Variants in TSHZ1 observed in about 807,000 individuals in gnomAD.
TSHZ1 encodes the protein teashirt homolog 1.
A neutral mutation model predicts 67.1 loss-of-function variants in TSHZ1; 12 were observed. That is an observed-to-expected ratio of 0.18 (90% confidence interval 0.11 to 0.29). The LOEUF is 0.29. Ranked by LOEUF, TSHZ1 falls within the 10% of genes least tolerant of loss-of-function variation. The pLI is 1.00. For synonymous variants in TSHZ1, 632 were observed against 622.4 expected (o/e 1.02, Z -0.23); for missense variants, 1,305 against 1,413.9 (o/e 0.92, Z 1.23).
chr18:75,271,740 C>G (rs1224207309), intron 1 of TSHZ1, among the ~76,000 whole-genome samples: 3 of 150,520 alleles, frequency 2.0e-5, no homozygotes, highest in African/African-American at 7.4e-5. Context: ...TCCCCGCTTC[C>G]TGGTCCCCTC....
At chr18:75,226,285 C>T (rs920950148) in intron 1 of TSHZ1, among the ~76,000 whole-genome samples, 2 of 152,246 alleles carry the variant, frequency 1.3e-5, no homozygotes, top group South Asian at 4.1e-4. Context: ...TTTCTTGCTC[C>T]CCACTCACCC....
chr18:75,212,562 C>T (rs1157378168), intron 1 of TSHZ1, among the ~76,000 whole-genome samples: 1 of 152,270 alleles, frequency 6.6e-6, no homozygotes, highest in Admixed American at 6.5e-5. Context: ...TAGAGGATTG[C>T]CATCCTTGAT....
At chr18:75,252,377 G>A (rs1461765522) in intron 1 of TSHZ1, among the ~76,000 whole-genome samples, 1 of 152,172 alleles carries the variant, frequency 6.6e-6, no homozygotes, top group African/African-American at 2.4e-5. Flanking sequence ...CTTCTGGGAA[G>A]GTCGTGCACA....
intron 1 of TSHZ1, among the ~76,000 whole-genome samples, chr18:75,232,067 A>G (rs2023006627): frequency 6.6e-6 from 1 of 151,476 alleles, no homozygotes; most frequent in South Asian, 2.1e-4. Flanking sequence ...TACAGGCCAC[A>G]ATGTCTGGCT....
At chr18:75,230,679 T>A (rs1421633496) in intron 1 of TSHZ1, among the ~76,000 whole-genome samples, 1 of 152,202 alleles carries the variant, frequency 6.6e-6, no homozygotes, top group African/African-American at 2.4e-5. Context: ...ACCTTAGTGG[T>A]TGCAAACATC....
At chr18:75,256,855 C>T (rs994990041) in intron 1 of TSHZ1, among the ~76,000 whole-genome samples, 3 of 152,132 alleles carry the variant, frequency 2.0e-5, no homozygotes, top group African/African-American at 7.2e-5. Flanking sequence ...AATACAACCT[C>T]GGATAGTTAG....
intron 1 of TSHZ1, among the ~76,000 whole-genome samples, chr18:75,221,747 A>G (rs2122519320): frequency 6.6e-6 from 1 of 152,350 alleles, no homozygotes; most frequent in East Asian, 1.9e-4. Flanking sequence ...TGAAAATAAC[A>G]GTAAAACATG....
At chr18:75,230,252 A>C (rs545171696) in intron 1 of TSHZ1, among the ~76,000 whole-genome samples, 1 of 152,220 alleles carries the variant, frequency 6.6e-6, no homozygotes, top group Non-Finnish European at 1.5e-5. Flanking sequence ...TTTCCTGATT[A>C]AAAGCTGTTT....
At chr18:75,240,951 C>T (rs555533385) in intron 1 of TSHZ1, among the ~76,000 whole-genome samples, 6 of 152,218 alleles carry the variant, frequency 3.9e-5, no homozygotes, top group East Asian at 1.9e-4. Context: ...TTTGTAAGTA[C>T]GTGGTTTGGT....
intron 1 of TSHZ1, among the ~76,000 whole-genome samples, chr18:75,280,422 G>C (rs546004841): frequency 1.3e-5 from 2 of 152,198 alleles, no homozygotes; most frequent in Non-Finnish European, 2.9e-5. Flanking sequence ...CATAATGGCT[G>C]TTCTAAATAC....
intron 1 of TSHZ1, among the ~76,000 whole-genome samples, chr18:75,242,344 G>T (rs575502397): frequency 6.6e-6 from 1 of 152,186 alleles, no homozygotes; most frequent in Non-Finnish European, 1.5e-5. Context: ...TCCCAGCAGG[G>T]AGTCATCGCA....
chr18:75,240,692 T>C (rs368703821), intron 1 of TSHZ1, among the ~76,000 whole-genome samples: 1 of 152,214 alleles, frequency 6.6e-6, no homozygotes, highest in South Asian at 2.1e-4. Flanking sequence ...GCTCCTCTGA[T>C]GCTTCTGGTT....
Position 75,288,587 on chromosome 18 carries a change from C to G in TSHZ1, c.3180C>G (p.His1060Gln). The G allele has an allele frequency of 6.2e-7, 1 of 1,612,858 alleles. No homozygotes were observed. The highest frequency in any genetic ancestry group is 8.5e-7 in the Non-Finnish European group (1 of 1,179,486). The stretch of plus-strand genomic sequence containing the variant: ...TCAAACTGCACCTTAGTAAGACCCA[C>G]GGCAAGTCTCCCGAGGACCACCTGA... ...HAVKLHLSKTHGKSPEDHLIY... is the reference protein window; with the variant it reads ...HAVKLHLSKTQGKSPEDHLIY... Residue 1060 changes from histidine to glutamine, a missense_variant, in exon 2 of 2, where the codon CAC (histidine) becomes CAG (glutamine). This residue lies in a region of TSHZ1 where 909 missense variants were observed against 961.8 expected (regional missense o/e 0.95). Coordinates refer to ENST00000580243, the MANE Select transcript of TSHZ1 (RefSeq NM_001308210.2). The surrounding 1 kb of genome is among the most constrained non-coding windows in gnomAD (Gnocchi z 4.9).
In TSHZ1 at chr18:75,281,389, C is replaced by T. The variant is rs557697698; in HGVS notation, c.41-4059C>T. Among the ~76,000 whole-genome samples, 35 of 152,182 alleles carry T rather than the reference C, an allele frequency of 2.3e-4. No homozygotes were observed. The highest frequency in any genetic ancestry group is 1.0e-3 in the South Asian group (5 of 4,822). On this transcript the variant is annotated intron_variant, in intron 1 of 1. Transcript: ENST00000580243. The surrounding 1 kb of genome is among the most constrained non-coding windows in gnomAD (Gnocchi z 5.3). ...TTGAGGAGGAGGGTGCTGGAGAGGG[C>T]GGTGGGGTGTCATTTTGTTTGCACA... is the stretch of plus-strand genomic sequence containing the variant.
At chr18:75,225,345 TTG>T (rs1384364167) in intron 1 of TSHZ1, among the ~76,000 whole-genome samples, 1 of 152,194 alleles carries the variant, frequency 6.6e-6, no homozygotes, top group Non-Finnish European at 1.5e-5. Context: ...CACCTACTGT[TTG>T]TGAGTGAGGC....
intron 1 of TSHZ1, among the ~76,000 whole-genome samples, chr18:75,225,314 T>G (rs1363298428): frequency 1.3e-5 from 2 of 152,230 alleles, no homozygotes; most frequent in Non-Finnish European, 2.9e-5. Flanking sequence ...TATTTTGAAT[T>G]GAATTCAGCA....
chr18:75,243,146 C>T (rs976533326), intron 1 of TSHZ1, among the ~76,000 whole-genome samples: 3 of 152,102 alleles, frequency 2.0e-5, no homozygotes, highest in Non-Finnish European at 4.4e-5. Flanking sequence ...TGAGGCCAGT[C>T]AGGGACAAGA....
In TSHZ1 at chr18:75,285,734, C is replaced by A; in HGVS notation, c.327C>A (p.Pro109=). 1 of 1,614,118 alleles carries A rather than the reference C, an allele frequency of 6.2e-7. No homozygotes were observed. The highest frequency in any genetic ancestry group is 8.5e-7 in the Non-Finnish European group (1 of 1,179,988). ...DPQCPDSVSY[P]QDSLAQIKAV... The stretch of plus-strand genomic sequence containing the variant: ...AGTGTCCCGACAGCGTCTCGTACCC[C>A]CAGGACAGCCTGGCACAGATCAAAG... Residue 109 remains proline (P), a synonymous_variant, in exon 2 of 2, where the codon CCC becomes CCA. Transcript: ENST00000580243.
chr18:75,255,517 G>A lies in TSHZ1; in HGVS notation c.41-29931G>A, dbSNP rs541318397. Reference sequence around the variant, plus strand: ...GGGGATATTTTACAAGCCAATTGTCGCATTAAAAACTGTAACTCTTTGATT... The same window carrying A: ...GGGGATATTTTACAAGCCAATTGTCACATTAAAAACTGTAACTCTTTGATT... On this transcript the variant is annotated intron_variant, in intron 1 of 1. Coordinates refer to ENST00000580243, the MANE Select transcript of TSHZ1 (RefSeq NM_001308210.2). 2.9e-4 allele frequency among the ~76,000 whole-genome samples: 40 copies of A among 139,380 alleles called. 1 individual carries two copies. Among genetic ancestry groups the A allele is most frequent in the African/African-American group, 6.6e-4 (25 of 37,708 alleles). 91.4% of individuals were successfully genotyped at this position (139,380 alleles called of 152,430 possible). A position where few individuals can be genotyped will look rare whatever the true frequency, so the allele number is the denominator to read the frequency against.
Sources: allele counts gnomAD v4.1 joint callset (sites outside exome capture counted in the v4.1 genomes callset), GRCh38; gene constraint gnomAD v4.1.1; regional missense constraint gnomAD v4.1.1; non-coding constraint Gnocchi (gnomAD v3.1); transcripts MANE v1.5; gene names NCBI Gene and HGNC (gene_info 2026-07-23, HGNC 2026-07-21).